The following CHRM3 variants were observed in gnomAD, a reference collection of about 807,000 sequenced individuals.
CHRM3 encodes cholinergic receptor muscarinic 3.
Under a neutral mutation model 41.8 loss-of-function variants are expected in CHRM3, and 11 were observed. That is an observed-to-expected ratio of 0.26 (90% CI 0.17 to 0.44). CHRM3 has a LOEUF of 0.44. CHRM3 is among the 20% of genes least tolerant of loss of function. The pLI, the probability that CHRM3 is intolerant of heterozygous loss-of-function variation, is 1.00. For synonymous variants in CHRM3, 297 were observed against 301.4 expected (o/e 0.99, Z 0.15); for missense variants, 571 against 745.4 (o/e 0.77, Z 2.72).
At chr1:239,572,834 A>G (rs1397013069) in intron 3 of CHRM3, among the ~76,000 whole-genome samples, 1 of 152,216 alleles carries the variant, frequency 6.6e-6, no homozygotes, top group African/African-American at 2.4e-5. Context: ...TCATGTTATT[A>G]AGGATTCCAC....
chr1:239,854,207 C>A (rs1282980384), intron 6 of CHRM3, among the ~76,000 whole-genome samples: 1 of 152,094 alleles, frequency 6.6e-6, no homozygotes, highest in East Asian at 1.9e-4. Flanking sequence ...AGGATTACAT[C>A]AGAAACAATG....
intron 5 of CHRM3, among the ~76,000 whole-genome samples, chr1:239,742,687 T>C (rs1664964070): frequency 6.6e-6 from 1 of 152,116 alleles, no homozygotes; most frequent in Non-Finnish European, 1.5e-5. Flanking sequence ...CATGTTTAAT[T>C]TATCACAACC....
chr1:239,571,237 C>T (rs1458891287), intron 3 of CHRM3, among the ~76,000 whole-genome samples: 2 of 152,176 alleles, frequency 1.3e-5, no homozygotes, highest in African/African-American at 2.4e-5. Flanking sequence ...TCCCACTACA[C>T]CTTCCAACCA....
intron 1 of CHRM3, among the ~76,000 whole-genome samples, chr1:239,488,735 A>C (rs1419157201): frequency 1.2e-4 from 18 of 149,136 alleles, no homozygotes; most frequent in African/African-American, 4.4e-4. Flanking sequence ...AAAAAAAAAA[A>C]AAAAAAAAAA....
Position 239,560,410 on chromosome 1 carries a change from G to A in CHRM3, c.-313+14661G>A, listed in dbSNP as rs142619128. On this transcript the variant is annotated intron_variant, in intron 3 of 6. Transcript: ENST00000676153. The stretch of plus-strand genomic sequence containing the variant: ...ACAAAACACCTATAATCTCACCACT[G>A]AAAAACTCCAAAGTAATTCTTACAA... 7.9e-5 allele frequency among the ~76,000 whole-genome samples: 12 copies of A among 152,050 alleles called. 1 individual carries two copies. Among genetic ancestry groups the A allele is most frequent in the Admixed American group, 7.2e-4 (11 of 15,266 alleles).
chr1:239,642,766 C>T (rs950329402), intron 4 of CHRM3, among the ~76,000 whole-genome samples: 16 of 152,340 alleles, frequency 1.1e-4, no homozygotes, highest in South Asian at 2.1e-4. Flanking sequence ...TCTCTCAACT[C>T]GTCAAAGTCA....
intron 4 of CHRM3, among the ~76,000 whole-genome samples, chr1:239,665,164 GAAAAAA>G (rs56144752): frequency 8.4e-6 from 1 of 119,474 alleles, no homozygotes; most frequent in African/African-American, 3.0e-5. Context: ...GTTTTTCTCT[GAAAAAA>G]AAAAAAAAAA....
intron 1 of CHRM3, among the ~76,000 whole-genome samples, chr1:239,390,051 T>C (rs189899343): frequency 2.6e-5 from 4 of 152,340 alleles, no homozygotes; most frequent in African/African-American, 7.2e-5. Flanking sequence ...ATTCTCACAG[T>C]GTGATTTTGG....
At chr1:239,689,757 T>C (rs1659527516) in intron 5 of CHRM3, among the ~76,000 whole-genome samples, 1 of 152,208 alleles carries the variant, frequency 6.6e-6, no homozygotes, top group South Asian at 2.1e-4. Context: ...GGAGGTTATA[T>C]TCTGGTAGAG....
Position 239,907,423 on chromosome 1 carries a change from T to G in CHRM3, c.-19-10T>G, listed in dbSNP as rs1680056018. 6.3e-7 allele frequency: 1 copy of G among 1,583,032 alleles called. No individual in the cohort carries two copies. The highest frequency in any genetic ancestry group is 1.8e-5 in the Admixed American group (1 of 55,986). On this transcript the variant is annotated splice_polypyrimidine_tract_variant and intron_variant, in intron 6 of 6. Transcript: ENST00000676153. The surrounding 1 kb of genome is among the most constrained non-coding windows in gnomAD (Gnocchi z 5.4). ...TTTTTCTAACTCTGTCTCTTCTCTC[T>G]TTCCCCCAGACTATGTCAGAGAGTC...
chr1:239,761,793 C>T (rs1024660158), intron 5 of CHRM3, among the ~76,000 whole-genome samples: 6 of 152,330 alleles, frequency 3.9e-5, no homozygotes, highest in African/African-American at 1.4e-4. Context: ...TTCTCACACG[C>T]TCACATTGAT....
At chr1:239,755,952 C>T (rs919082257) in intron 5 of CHRM3, among the ~76,000 whole-genome samples, 7 of 152,134 alleles carry the variant, frequency 4.6e-5, no homozygotes, top group Non-Finnish European at 8.8e-5. Context: ...TTTAGAATAT[C>T]GTATTCCCTA....
intron 5 of CHRM3, among the ~76,000 whole-genome samples, chr1:239,685,197 C>T (rs1304909659): frequency 3.9e-5 from 6 of 152,134 alleles, no homozygotes; most frequent in Admixed American, 6.6e-5. Context: ...GAACTCCAGC[C>T]GGGACCTGGG....
chr1:239,721,440 T>C (rs1449389637), intron 5 of CHRM3, among the ~76,000 whole-genome samples: 2 of 151,870 alleles, frequency 1.3e-5, no homozygotes, highest in Non-Finnish European at 2.9e-5. Context: ...GGCAATTCTA[T>C]TGAGCAACAT....
chr1:239,508,835 G>A (rs149819664), intron 2 of CHRM3, among the ~76,000 whole-genome samples: 4 of 152,084 alleles, frequency 2.6e-5, no homozygotes, highest in South Asian at 4.2e-4. Context: ...TCAGTTTTTC[G>A]TCTCTTTACG....
At chr1:239,535,643 T>G (rs1658125222) in intron 2 of CHRM3, among the ~76,000 whole-genome samples, 1 of 151,842 alleles carries the variant, frequency 6.6e-6, no homozygotes, top group Non-Finnish European at 1.5e-5. Flanking sequence ...CTAAGAAATT[T>G]ATTCCATGGG....
At chr1:239,606,112 A>G (rs755077491) in intron 3 of CHRM3, 8 of 152,226 alleles carry the variant, frequency 5.3e-5, no homozygotes, top group African/African-American at 9.7e-5. Flanking sequence ...CAGATATGGA[A>G]GAGATTTGCA....
chr1:239,562,143 C>T (rs944691861), intron 3 of CHRM3, among the ~76,000 whole-genome samples: 5 of 152,104 alleles, frequency 3.3e-5, no homozygotes, highest in Non-Finnish European at 5.9e-5. Flanking sequence ...ACATCTTTCT[C>T]GACAGCAACC....
rs548091422 is a variant in CHRM3, at chr1:239,641,111, T to G, written c.-250+8825T>G. Among the ~76,000 whole-genome samples, 13 of 152,342 alleles carry G rather than the reference T, an allele frequency of 8.5e-5. 1 individual carries two copies. The highest frequency in any genetic ancestry group is 3.1e-4 in the African/African-American group (13 of 41,586). On this transcript the variant is annotated intron_variant, in intron 4 of 6. Transcript: ENST00000676153. Reference sequence around the variant, plus strand: ...TCTTAATCCTGACTTCTAGTTTGATTGCACTGTGGTCTGAGAGACAGTTTG... The same window carrying G: ...TCTTAATCCTGACTTCTAGTTTGATGGCACTGTGGTCTGAGAGACAGTTTG...
Sources: gnomAD v4.1 joint callset for allele counts (sites outside exome capture counted in the v4.1 genomes callset) on GRCh38, gnomAD v4.1.1 for gene constraint, Gnocchi (gnomAD v3.1) non-coding constraint, MANE v1.5 for transcripts, NCBI Gene and HGNC (gene_info 2026-07-23, HGNC 2026-07-21) for gene names.